QSER1: variants seen among roughly 807,000 people sequenced by gnomAD.
QSER1 encodes the protein glutamine and serine rich 1.
QSER1 carries 49 observed loss-of-function variants against 158.5 expected under a neutral mutation model. The observed-to-expected ratio is 0.31, with a 90% CI of 0.25 to 0.39. The LOEUF (loss-of-function observed/expected upper bound fraction) is 0.39, where lower values mean the gene tolerates loss of function less well. Ranked by LOEUF, QSER1 falls within the 10% of genes least tolerant of loss-of-function variation. The pLI is 1.00. For missense variants in QSER1, 1,754 were observed against 2,010.3 expected (o/e 0.87, Z 2.44); for synonymous variants, 650 against 715.5 (o/e 0.91, Z 1.46).
intron 1 of QSER1, among the ~76,000 whole-genome samples, chr11:32,904,782 G>A (rs1851671212): frequency 6.6e-6 from 1 of 151,954 alleles, no homozygotes; most frequent in Non-Finnish European, 1.5e-5. Flanking sequence ...TTGATCAGTG[G>A]CCTCTGCTAG....
chr11:32,900,270 C>A (rs1253484023), intron 1 of QSER1, among the ~76,000 whole-genome samples: 2 of 152,132 alleles, frequency 1.3e-5, no homozygotes, highest in Non-Finnish European at 2.9e-5. Context: ...TCAGTAAAAT[C>A]CAATGACTTG....
chr11:32,965,944 A>AACACACACAC (rs5790910), intron 8 of QSER1, among the ~76,000 whole-genome samples: 22,334 of 123,348 alleles, frequency 0.18, 2,551 homozygotes, highest in Non-Finnish European at 0.21. Flanking sequence ...TCTGTCTCAA[A>AACACACACAC]ACACACACAC....
intron 4 of QSER1, among the ~76,000 whole-genome samples, chr11:32,936,169 C>T (rs1329783315): frequency 6.6e-6 from 1 of 151,548 alleles, no homozygotes; most frequent in Non-Finnish European, 1.5e-5. Flanking sequence ...GGTATATCTC[C>T]TAATGCTGTC....
At chr11:32,925,780 A>G (rs1851962509) in intron 1 of QSER1, among the ~76,000 whole-genome samples, 1 of 151,876 alleles carries the variant, frequency 6.6e-6, no homozygotes. Context: ...CGCCTGCCTC[A>G]TCCTCCCAAA....
In QSER1 at chr11:32,919,092, T is replaced by C. The variant is rs145998074; in HGVS notation, c.210-8065T>C. 2.5e-3 allele frequency among the ~76,000 whole-genome samples: 385 copies of C among 152,312 alleles called. 4 individuals carry two copies. The highest frequency in any genetic ancestry group is 9.0e-3 in the African/African-American group (376 of 41,570). ...TGCAGATTTCCATAGATTTACTTAA[T>C]GTCTTTTTCTGTCTCCTCTTATCTG... On this transcript the variant is annotated intron_variant, in intron 1 of 12. Transcript: ENST00000650167.
At chr11:32,949,157 G>A (rs1391823333) in intron 4 of QSER1, among the ~76,000 whole-genome samples, 1 of 151,798 alleles carries the variant, frequency 6.6e-6, no homozygotes, top group Non-Finnish European at 1.5e-5. Context: ...ATTCATTCTT[G>A]TATCTCATAG....
intron 1 of QSER1, among the ~76,000 whole-genome samples, chr11:32,895,462 A>G (rs1851542945): frequency 6.6e-6 from 1 of 152,248 alleles, no homozygotes; most frequent in African/African-American, 2.4e-5. Flanking sequence ...TTTCAGTTAT[A>G]TCAAAAATGG....
rs371325208 is a variant in QSER1 at position 32,956,053 on chromosome 11, T to C, written c.4683T>C (p.Asn1561=). Residue 1561 remains asparagine (N), a synonymous_variant, in exon 7 of 13, where the codon AAT becomes AAC. Coordinates refer to ENST00000650167, the MANE Select transcript of QSER1 (RefSeq NM_001076786.3). The part of the protein sequence containing the change: ...YKRIYVKFIE[N]ANKKEYVRVC... ...GAATATATGTGAAGTTCATTGAAAATGCAAACAAGAAGGAATATGTCAGAG... is the reference window on the plus strand; with the variant it reads ...GAATATATGTGAAGTTCATTGAAAACGCAAACAAGAAGGAATATGTCAGAG... The C allele has an allele frequency of 3.4e-5, 55 of 1,610,166 alleles. No homozygotes were observed. Among genetic ancestry groups the C allele is most frequent in the Non-Finnish European group, 4.5e-5 (53 of 1,176,926 alleles).
At position 32,957,923 on chromosome 11, in the gene QSER1, A is replaced by G; in HGVS notation, c.4806A>G (p.Ser1602=). The G allele has an allele frequency of 1.2e-6, 2 of 1,614,152 alleles. No homozygotes were observed. Among genetic ancestry groups the G allele is most frequent in the East Asian group, 2.2e-5 (1 of 44,864 alleles). The change falls in exon 8 of 13, where the codon TCA becomes TCG. Residue 1602 remains serine (S), a synonymous_variant. Coordinates refer to ENST00000650167, the MANE Select transcript of QSER1 (RefSeq NM_001076786.3). ...GTAAAACTTCTGATCCTCTAGCATC[A>G]AAAACTACAACTACAAAAGCCCCTT... is the stretch of plus-strand genomic sequence containing the variant. ...SSSKTSDPLA[S]KTTTTKAPSV...
At chr11:32,963,627 G>T (rs1852669664) in intron 8 of QSER1, among the ~76,000 whole-genome samples, 1 of 150,948 alleles carries the variant, frequency 6.6e-6, no homozygotes, top group South Asian at 2.1e-4. Context: ...CTGGGATTAC[G>T]TGCATGAGCC....
At chr11:32,975,740 C>A in intron 12 of QSER1, 1 of 787,596 alleles carries the variant, frequency 1.3e-6, no homozygotes. Context: ...CACTTAATTG[C>A]AGAGAAGTGG....
intron 1 of QSER1, among the ~76,000 whole-genome samples, chr11:32,922,290 C>T (rs1590723769): frequency 6.6e-6 from 1 of 151,976 alleles, no homozygotes; most frequent in African/African-American, 2.4e-5. Context: ...TGAAAGCCAC[C>T]GGGTGGGAGA....
intron 1 of QSER1, among the ~76,000 whole-genome samples, chr11:32,909,838 CATT>C (rs1332667452): frequency 6.6e-6 from 1 of 152,050 alleles, no homozygotes; most frequent in Non-Finnish European, 1.5e-5. Flanking sequence ...GTGGTCATGA[CATT>C]ATAAGGTGTA....
intron 8 of QSER1, among the ~76,000 whole-genome samples, chr11:32,958,969 C>T (rs1370583996): frequency 6.6e-6 from 1 of 151,946 alleles, no homozygotes; most frequent in African/African-American, 2.4e-5. Context: ...TATTGAGGAT[C>T]CTAAAATGCA....
chr11:32,924,880 C>G (rs1474338016), intron 1 of QSER1, among the ~76,000 whole-genome samples: 2 of 152,098 alleles, frequency 1.3e-5, no homozygotes, highest in Non-Finnish European at 2.9e-5. Flanking sequence ...GTCCTTACCC[C>G]CTTCTTCCCT....
At chr11:32,970,083 A>C (rs1444862324) in intron 10 of QSER1, among the ~76,000 whole-genome samples, 1 of 152,238 alleles carries the variant, frequency 6.6e-6, no homozygotes, top group African/African-American at 2.4e-5. Flanking sequence ...TCTTATTCAA[A>C]GTATAATATC....
rs147664442 is a variant in QSER1, at chr11:32,956,508, TA to T, written c.4751+394del. 1.5e-3 allele frequency among the ~76,000 whole-genome samples: 228 copies of T among 152,186 alleles called. 1 individual carries two copies. In the Middle Eastern group the frequency reaches 0.024, roughly 16 times the overall value. On this transcript the variant is annotated intron_variant, in intron 7 of 12. Transcript: ENST00000650167. ...AAATTAAATTTAAAATAATTATTGA[TA>T]AAAAAACTATAAGAACTACATTACT...
intron 1 of QSER1, among the ~76,000 whole-genome samples, chr11:32,895,637 G>A (rs1851544861): frequency 6.6e-6 from 1 of 152,178 alleles, no homozygotes; most frequent in Non-Finnish European, 1.5e-5. Context: ...TACTAGTTGT[G>A]ATGATGTAAT....
At chr11:32,924,826 T>C (rs1851946999) in intron 1 of QSER1, among the ~76,000 whole-genome samples, 1 of 152,180 alleles carries the variant, frequency 6.6e-6, no homozygotes, top group Non-Finnish European at 1.5e-5. Flanking sequence ...CAAATGATCC[T>C]GTCACCTGGG....
Sources: allele counts gnomAD v4.1 joint callset (sites outside exome capture counted in the v4.1 genomes callset), GRCh38; gene constraint gnomAD v4.1.1; transcripts MANE v1.5; gene names NCBI Gene and HGNC (gene_info 2026-07-23, HGNC 2026-07-21).